SDK1: variants seen among roughly 807,000 people sequenced by gnomAD.
The protein encoded by SDK1 is protein sidekick-1.
Under a neutral mutation model 245.5 loss-of-function variants are expected in SDK1, and 157 were observed. That is an observed-to-expected ratio of 0.64 (90% CI 0.56 to 0.73). The LOEUF (loss-of-function observed/expected upper bound fraction) is 0.73. Among genes scored for constraint, SDK1 ranks in the 30% least tolerant of loss-of-function variants. SDK1 has a pLI of 0.00. For missense variants in SDK1, 3,583 were observed against 3,002.3 expected (o/e 1.19, Z -4.52); for synonymous variants, 1,647 against 1,278.5 (o/e 1.29, Z -6.15).
chr7:4,101,893 G>T (rs572102500), intron 22 of SDK1, among the ~76,000 whole-genome samples: 1 of 152,172 alleles, frequency 6.6e-6, no homozygotes, highest in Non-Finnish European at 1.5e-5. Context: ...GGCCAGATGG[G>T]GAGTGGAGGG....
At chr7:4,109,134 G>A (rs1338457560) in intron 22 of SDK1, among the ~76,000 whole-genome samples, 1 of 152,196 alleles carries the variant, frequency 6.6e-6, no homozygotes, top group Non-Finnish European at 1.5e-5. Context: ...GCATGTGCCT[G>A]CAGGTATCTG....
At chr7:3,610,822 T>A (rs964228637) in intron 1 of SDK1, among the ~76,000 whole-genome samples, 1 of 152,218 alleles carries the variant, frequency 6.6e-6, no homozygotes, top group African/African-American at 2.4e-5. Context: ...CACAGTGCTG[T>A]TTAATGGAAA....
At chr7:3,920,642 G>A (rs567046152) in intron 5 of SDK1, among the ~76,000 whole-genome samples, 1 of 152,264 alleles carries the variant, frequency 6.6e-6, no homozygotes, top group South Asian at 2.1e-4. Context: ...GAGGCAAGGC[G>A]GCACTTAAAC....
At chr7:3,817,413 A>T (rs147938994) in intron 4 of SDK1, among the ~76,000 whole-genome samples, 1 of 152,188 alleles carries the variant, frequency 6.6e-6, no homozygotes, top group Non-Finnish European at 1.5e-5. Context: ...GGGATTTCCA[A>T]TAGTTGCTGA....
At chr7:3,399,209 C>G (rs1215751176) in intron 1 of SDK1, among the ~76,000 whole-genome samples, 1 of 151,866 alleles carries the variant, frequency 6.6e-6, no homozygotes, top group Non-Finnish European at 1.5e-5. Flanking sequence ...TTTGCTGGGT[C>G]TTTTTTCTGC....
intron 5 of SDK1, among the ~76,000 whole-genome samples, chr7:3,885,029 G>A (rs1010046293): frequency 2.8e-5 from 4 of 144,470 alleles, no homozygotes; most frequent in Admixed American, 6.8e-5. Context: ...TGTCTCCCCC[G>A]ACCCCCACCC....
At chr7:3,871,918 A>G (rs1453383569) in intron 5 of SDK1, among the ~76,000 whole-genome samples, 2 of 152,224 alleles carry the variant, frequency 1.3e-5, no homozygotes, top group Admixed American at 6.5e-5. Context: ...TTTTACCATT[A>G]AATCTGATGT....
chr7:3,359,626 G>A (rs1389541982), intron 1 of SDK1, among the ~76,000 whole-genome samples: 1 of 152,062 alleles, frequency 6.6e-6, no homozygotes, highest in African/African-American at 2.4e-5. Context: ...CAGGATCACC[G>A]CCTGGTCCCT....
intron 1 of SDK1, among the ~76,000 whole-genome samples, chr7:3,486,231 A>G (rs1341219894): frequency 1.3e-5 from 2 of 151,758 alleles, no homozygotes; most frequent in Non-Finnish European, 2.9e-5. Flanking sequence ...AATTATATGG[A>G]GTTAAATTTT....
chr7:3,627,311 G>A (rs1045215828), intron 2 of SDK1, among the ~76,000 whole-genome samples: 18 of 152,212 alleles, frequency 1.2e-4, no homozygotes, highest in African/African-American at 4.1e-4. Context: ...TAGGACTACC[G>A]GATCCTCTGG....
chr7:3,780,150 G>A (rs1456909350), intron 4 of SDK1, among the ~76,000 whole-genome samples: 1 of 152,178 alleles, frequency 6.6e-6, no homozygotes, highest in Non-Finnish European at 1.5e-5. Context: ...TCTGAATTAG[G>A]AGAGTGAGAA....
At chr7:4,235,894 G>T (rs940978022) in intron 41 of SDK1, among the ~76,000 whole-genome samples, 2 of 152,358 alleles carry the variant, frequency 1.3e-5, no homozygotes, top group East Asian at 1.9e-4. Flanking sequence ...CTCCAGGACA[G>T]CCCGGCCTTC....
intron 22 of SDK1, among the ~76,000 whole-genome samples, chr7:4,102,206 C>T (rs2128187581): frequency 6.6e-6 from 1 of 152,248 alleles, no homozygotes; most frequent in South Asian, 2.1e-4. Flanking sequence ...GCCTCTGGGC[C>T]TTCCTGGTTT....
At chr7:3,851,815 C>A (rs555101826) in intron 5 of SDK1, among the ~76,000 whole-genome samples, 5 of 152,016 alleles carry the variant, frequency 3.3e-5, no homozygotes, top group African/African-American at 9.7e-5. Flanking sequence ...TTCAGACATC[C>A]CTAGAGGAAG....
At chr7:4,148,462 C>T (rs537800344) in intron 29 of SDK1, among the ~76,000 whole-genome samples, 19 of 152,380 alleles carry the variant, frequency 1.2e-4, no homozygotes, top group South Asian at 8.3e-4. Context: ...CTACTGCACA[C>T]ACCAGAGGCA....
intron 33 of SDK1, among the ~76,000 whole-genome samples, chr7:4,175,283 T>G (rs1782125185): frequency 6.6e-6 from 1 of 152,178 alleles, no homozygotes; most frequent in Non-Finnish European, 1.5e-5. Context: ...CACCAGACAG[T>G]TGGCATCTCC....
chr7:3,592,912 G>T (rs1780927931), intron 1 of SDK1, among the ~76,000 whole-genome samples: 1 of 152,196 alleles, frequency 6.6e-6, no homozygotes, highest in East Asian at 1.9e-4. Flanking sequence ...TGAATAACCT[G>T]GAGTCCTTGT....
chr7:4,012,338 C>T (rs1786045401), intron 16 of SDK1, 103 bp downstream of exon 16: 1 of 1,256,408 alleles, frequency 8.0e-7, no homozygotes, highest in South Asian at 2.0e-5. Context: ...AAACAGGAAC[C>T]AAAGGAGTCA....
rs761065097 is a variant in SDK1 at position 4,220,305 on chromosome 7, G to A, written c.5701+35G>A. On this transcript the variant is annotated intron_variant, in intron 39 of 44. Coordinates refer to ENST00000404826, the MANE Select transcript of SDK1 (RefSeq NM_152744.4). ...ACTCCAGGGGCAGACAATGTCAATTGCAACTTTAGCCTCCCGCCTCCTGCT... is the reference window on the plus strand; with the variant it reads ...ACTCCAGGGGCAGACAATGTCAATTACAACTTTAGCCTCCCGCCTCCTGCT... The A allele has an allele frequency of 2.5e-6, 4 of 1,597,110 alleles. No homozygotes were observed. The South Asian group carries it at 3.3e-5, about 13-fold the overall frequency.
Sources: gnomAD v4.1 joint callset for allele counts (sites outside exome capture counted in the v4.1 genomes callset) on GRCh38, gnomAD v4.1.1 for gene constraint, MANE v1.5 for transcripts, NCBI Gene and HGNC (gene_info 2026-07-23, HGNC 2026-07-21) for gene names.